RSBN1: variants seen among roughly 807,000 people sequenced by gnomAD.
RSBN1 encodes the protein lysine-specific demethylase 9.
In RSBN1, 23 loss-of-function variants were observed where a neutral mutation model predicts 74.8. The ratio of observed to expected loss-of-function variants is 0.31; its 90% CI spans 0.22 to 0.44. The LOEUF is 0.44. Ranked by LOEUF, RSBN1 falls within the 20% of genes least tolerant of loss-of-function variation. RSBN1 has a pLI of 1.00. For missense variants in RSBN1, 808 were observed against 1,020.9 expected, an observed-to-expected ratio of 0.79 and a Z score of 2.84; for synonymous variants, 407 against 379.6, an observed-to-expected ratio of 1.07 and a Z score of -0.84.
Position 113,812,355 on chromosome 1 carries a change from A to T in RSBN1, c.58T>A (p.Cys20Ser), listed in dbSNP as rs761692170. The T allele has an allele frequency of 1.9e-6, 3 of 1,603,376 alleles. No homozygotes were observed. In the Admixed American group the frequency reaches 5.0e-5, roughly 27 times the overall value. The change falls in exon 1 of 7, where the codon TGC becomes AGC. Residue 20 changes from cysteine to serine, a missense_variant. Physicochemically the swap from Cys to Ser is moderately radical, Grantham distance 112 (BLOSUM62 -1). Around this residue, in one of 6 missense-constraint regions of RSBN1, gnomAD observed 464 missense variants for 401.0 expected, o/e 1.16. Transcript: ENST00000261441. ...DKWRAEERLQCPAGSARAALA... is the reference protein window; with the variant it reads ...DKWRAEERLQSPAGSARAALA... ...GCCGCCCGCGCACTGCCCGCTGGGC[A>T]TTGGAGTCTCTCCTCCGCCCTCCAC...
chr1:113,783,597 G>A (rs1435512454), intron 2 of RSBN1, among the ~76,000 whole-genome samples: 1 of 152,184 alleles, frequency 6.6e-6, no homozygotes, highest in African/African-American at 2.4e-5. Context: ...TAGGCTCCCT[G>A]ACAGCTAAAT....
At chr1:113,781,069 A>G (rs1660130196) in intron 2 of RSBN1, among the ~76,000 whole-genome samples, 1 of 152,110 alleles carries the variant, frequency 6.6e-6, no homozygotes, top group Non-Finnish European at 1.5e-5. Flanking sequence ...TCCTTCCACC[A>G]GCCCTGCCTG....
intron 1 of RSBN1, among the ~76,000 whole-genome samples, chr1:113,808,823 T>C (rs1660770980): frequency 6.6e-6 from 1 of 152,174 alleles, no homozygotes; most frequent in Non-Finnish European, 1.5e-5. Context: ...TGCCTAAGGC[T>C]GTAAAGGGTT....
intron 1 of RSBN1, among the ~76,000 whole-genome samples, chr1:113,805,812 T>C (rs1476644889): frequency 6.6e-6 from 1 of 152,338 alleles, no homozygotes; most frequent in East Asian, 1.9e-4. Context: ...GGAAGGAACA[T>C]GTCTCTTAAG....
intron 2 of RSBN1, among the ~76,000 whole-genome samples, chr1:113,784,317 G>C (rs1175458144): frequency 2.0e-5 from 3 of 152,124 alleles, no homozygotes; most frequent in Non-Finnish European, 2.9e-5. Context: ...ATCACAGCTT[G>C]TACTTACACA....
chr1:113,777,931 A>G, intron 2 of RSBN1, 123 bp from the exon 3 acceptor site: 1 of 867,864 alleles, frequency 1.2e-6, no homozygotes, highest in East Asian at 2.9e-5. Flanking sequence ...TGAATGGTCA[A>G]TACCTTGAAT....
intron 2 of RSBN1, among the ~76,000 whole-genome samples, chr1:113,780,594 C>T (rs900192636): frequency 4.6e-5 from 7 of 152,200 alleles, no homozygotes; most frequent in Non-Finnish European, 1.0e-4. Context: ...CAAAATATAG[C>T]GACCTCATAA....
At chr1:113,811,644 A>G (rs1660851189) in intron 1 of RSBN1, 66 bp downstream of exon 1, 2 of 1,513,938 alleles carry the variant, frequency 1.3e-6, no homozygotes, top group Non-Finnish European at 1.8e-6. Context: ...TTTCAGTCCT[A>G]AAGATGCGGG....
At chr1:113,799,080 T>C (rs1254922207) in intron 1 of RSBN1, among the ~76,000 whole-genome samples, 1 of 152,198 alleles carries the variant, frequency 6.6e-6, no homozygotes, top group Non-Finnish European at 1.5e-5. Flanking sequence ...ACCTTACCTT[T>C]CTCTCCTGAG....
At chr1:113,801,523 T>C (rs1660583718) in intron 1 of RSBN1, among the ~76,000 whole-genome samples, 1 of 152,236 alleles carries the variant, frequency 6.6e-6, no homozygotes, top group African/African-American at 2.4e-5. Context: ...TTGCCCTGCC[T>C]TGAATTTAAA....
At chr1:113,795,693 G>GT (rs1348335316) in intron 2 of RSBN1, among the ~76,000 whole-genome samples, 1 of 152,112 alleles carries the variant, frequency 6.6e-6, no homozygotes, top group Non-Finnish European at 1.5e-5. Context: ...AAGTATCAAG[G>GT]TAAGTTGTTG....
At chr1:113,804,780 C>T (rs948644742) in intron 1 of RSBN1, among the ~76,000 whole-genome samples, 16 of 152,142 alleles carry the variant, frequency 1.1e-4, no homozygotes, top group African/African-American at 3.9e-4. Context: ...TTCTCCATTG[C>T]TAACATCAAA....
rs527586113 is a variant in RSBN1 at position 113,784,216 on chromosome 1, C to G, written c.1378-6408G>C. Among the ~76,000 whole-genome samples the G allele has an allele frequency of 9.4e-3, 1,435 of 152,260 alleles. 18 individuals are homozygous for G. Among genetic ancestry groups the G allele is most frequent in the African/African-American group, 0.033 (1,368 of 41,534 alleles). The stretch of plus-strand genomic sequence containing the variant: ...GAGTTACAGGAAAGCAGGTGTCATT[C>G]ATTTACCACAAGTTTATTGTACAGT... On this transcript the variant is annotated intron_variant, in intron 2 of 6. Coordinates refer to ENST00000261441, the MANE Select transcript of RSBN1 (RefSeq NM_018364.5).
intron 4 of RSBN1, among the ~76,000 whole-genome samples, chr1:113,776,765 G>A (rs1207035262): frequency 7.1e-6 from 1 of 141,148 alleles, no homozygotes; most frequent in Non-Finnish European, 1.5e-5. Context: ...AGCTATGATT[G>A]TACCACTGCA....
At chr1:113,810,179 G>A (rs1420487576) in intron 1 of RSBN1, among the ~76,000 whole-genome samples, 1 of 152,200 alleles carries the variant, frequency 6.6e-6, no homozygotes, top group South Asian at 2.1e-4. Flanking sequence ...GATGAAGCTT[G>A]AAGCAGGATT....
At chr1:113,801,955 A>G (rs1660592952) in intron 1 of RSBN1, among the ~76,000 whole-genome samples, 1 of 151,896 alleles carries the variant, frequency 6.6e-6, no homozygotes, top group African/African-American at 2.4e-5. Flanking sequence ...TTTCTATATT[A>G]TTAAGTTCTT....
chr1:113,766,959 C>A, intron 6 of RSBN1, 140 bp downstream of exon 6: 1 of 539,372 alleles, frequency 1.9e-6, no homozygotes, highest in Non-Finnish European at 3.3e-6. Flanking sequence ...ATTTTCAGCA[C>A]CACCCCCACC....
chr1:113,767,269 T>A (rs1659799662), intron 5 of RSBN1, 62 bp from the exon 6 acceptor site: 1 of 957,238 alleles, frequency 1.0e-6, no homozygotes, highest in African/African-American at 1.7e-5. Flanking sequence ...GATGACAAAT[T>A]TCAGTTCTTT....
chr1:113,792,487 G>A (rs980753738), intron 2 of RSBN1, among the ~76,000 whole-genome samples: 4 of 152,174 alleles, frequency 2.6e-5, no homozygotes, highest in African/African-American at 9.7e-5. Flanking sequence ...AGAATCCGTT[G>A]AGACCAGGTG....
Sources: gnomAD v4.1 joint callset for allele counts (sites outside exome capture counted in the v4.1 genomes callset) on GRCh38, gnomAD v4.1.1 for gene constraint, gnomAD v4.1.1 regional missense constraint, MANE v1.5 for transcripts, NCBI Gene and HGNC (gene_info 2026-07-23, HGNC 2026-07-21) for gene names.